The following SNAP29 variants were observed in gnomAD, a reference collection of about 807,000 sequenced individuals.
SNAP29 encodes the protein synaptosome associated protein 29, also known as synaptosomal-associated protein 29.
Under a neutral mutation model 27.9 loss-of-function variants are expected in SNAP29, and 13 were observed. The observed-to-expected ratio is 0.47, with a 90% CI of 0.30 to 0.74. The LOEUF (loss-of-function observed/expected upper bound fraction) is 0.74, where lower values mean the gene tolerates loss of function less well. Ranked by LOEUF, SNAP29 falls within the 30% of genes least tolerant of loss-of-function variation. SNAP29 has a pLI of 0.06. For missense variants in SNAP29, 368 were observed against 336.5 expected, an observed-to-expected ratio of 1.09 and a Z score of -0.73; for synonymous variants, 119 against 127.1, an observed-to-expected ratio of 0.94 and a Z score of 0.43.
intron 2 of SNAP29, among the ~76,000 whole-genome samples, chr22:20,872,536 G>C: frequency 6.6e-6 from 1 of 152,186 alleles, no homozygotes; most frequent in African/African-American, 2.4e-5. Context: ...GAGTAGCTGG[G>C]ACTACAGGCG....
intron 1 of SNAP29, among the ~76,000 whole-genome samples, chr22:20,860,070 G>A (rs1928222567): frequency 3.3e-5 from 5 of 152,094 alleles, no homozygotes; most frequent in Admixed American, 2.0e-4. Context: ...CAATTATTCT[G>A]GCCGAGCGCA....
intron 1 of SNAP29, among the ~76,000 whole-genome samples, chr22:20,867,546 G>C (rs1048724242): frequency 2.6e-5 from 4 of 152,274 alleles, no homozygotes; most frequent in Middle Eastern, 3.4e-3. Context: ...CCTTCTGGGG[G>C]TGGATTTTAG....
Position 20,887,565 on chromosome 22 carries a change from GT to G in SNAP29, c.620-113del, listed in dbSNP as rs762393475. On this transcript the variant is annotated intron_variant, in intron 4 of 4. Coordinates refer to ENST00000215730, the MANE Select transcript of SNAP29 (RefSeq NM_004782.4). ...AAGACTCATCTCTGCAGTGGGTGCA[GT>G]CCCCCCAGGCAACACAGATCCCTGT... 6.2e-3 allele frequency: 6,786 copies of G among 1,097,466 alleles called. 277 individuals are homozygous for G. The African/African-American group carries it at 0.092, about 15-fold the overall frequency. The allele number at this position is 1,097,466 out of a possible 1,614,324, so 68.0% of individuals were successfully genotyped here.
intron 2 of SNAP29, among the ~76,000 whole-genome samples, chr22:20,872,119 A>G (rs962148531): frequency 4.3e-4 from 65 of 152,254 alleles, no homozygotes; most frequent in African/African-American, 1.5e-3. Flanking sequence ...TAACCATAGT[A>G]TTCTTTTGGT....
At chr22:20,881,198 T>C (rs1928883531) in intron 3 of SNAP29, 64 bp downstream of exon 3, 1 of 1,206,710 alleles carries the variant, frequency 8.3e-7, no homozygotes, top group East Asian at 2.4e-5. Flanking sequence ...AGGTTTGGCG[T>C]TGGTCCTTGG....
At chr22:20,883,962 G>A (rs1328381260) in intron 4 of SNAP29, among the ~76,000 whole-genome samples, 1 of 152,166 alleles carries the variant, frequency 6.6e-6, no homozygotes, top group East Asian at 1.9e-4. Flanking sequence ...AAAGTGCCTG[G>A]GATGGTAAGA....
chr22:20,881,745 C>G (rs1348541669), intron 3 of SNAP29, among the ~76,000 whole-genome samples: 1 of 152,170 alleles, frequency 6.6e-6, no homozygotes, highest in Non-Finnish European at 1.5e-5. Context: ...TGGTTCCTGC[C>G]TGTGTCATTC....
intron 1 of SNAP29, among the ~76,000 whole-genome samples, chr22:20,868,004 G>C (rs1380514416): frequency 1.3e-5 from 2 of 152,124 alleles, no homozygotes; most frequent in Non-Finnish European, 2.9e-5. Context: ...TGTCTTTCCA[G>C]CTACTGGAAA....
chr22:20,879,619 G>T (rs1928842234), intron 2 of SNAP29, among the ~76,000 whole-genome samples: 1 of 152,006 alleles, frequency 6.6e-6, no homozygotes, highest in Non-Finnish European at 1.5e-5. Context: ...GCTAAGGCGG[G>T]CGGATCACCT....
Position 20,882,509 on chromosome 22 carries a change from C to A in SNAP29, c.521-962C>A, listed in dbSNP as rs1268885417. On this transcript the variant is annotated intron_variant, in intron 3 of 4. Coordinates refer to ENST00000215730, the MANE Select transcript of SNAP29 (RefSeq NM_004782.4). ...ACGATACACCATGGAAGCTCTGGAACCCACCATGGTTGTGGTTGATGCAGC... is the reference window on the plus strand; with the variant it reads ...ACGATACACCATGGAAGCTCTGGAAACCACCATGGTTGTGGTTGATGCAGC... Among the ~76,000 whole-genome samples the A allele has an allele frequency of 2.0e-5, 3 of 152,098 alleles. No individual in the cohort carries two copies. In the South Asian group the frequency reaches 6.2e-4, roughly 32 times the overall value.
In SNAP29 at chr22:20,859,033, G is replaced by C; in HGVS notation, c.-78G>C. The C allele has an allele frequency of 1.4e-6, 2 of 1,396,724 alleles. No individual in the cohort carries two copies. The highest frequency in any genetic ancestry group is 2.0e-6 in the Non-Finnish European group (2 of 1,020,024). The allele number at this position is 1,396,724 out of a possible 1,614,324, so 86.5% of individuals were successfully genotyped here. On this transcript the variant is annotated 5_prime_UTR_variant, in exon 1 of 5. Transcript: ENST00000215730. ...TTCGCGCGACGACCGCGGGGTCGGC[G>C]GGCGGGGCGAGGCCCTGGACGGCGG...
In SNAP29 at chr22:20,887,992, G is replaced by A. The variant is rs1205444325; in HGVS notation, c.*156G>A. ...CTTAAGACATTTTTGCTGTTATAAG[G>A]AAGTGTTTGTCCCACATTTTCCTAG... On this transcript the variant is annotated 3_prime_UTR_variant, in exon 5 of 5. Transcript: ENST00000215730. 1.3e-6 allele frequency: 1 copy of A among 757,622 alleles called. No individual in the cohort carries two copies. The highest frequency in any genetic ancestry group is 2.7e-5 in the East Asian group (1 of 36,716). 46.9% of individuals were successfully genotyped at this position (757,622 alleles called of 1,614,324 possible). A position where few individuals can be genotyped will look rare whatever the true frequency, so the allele number is the denominator to read the frequency against.
intron 4 of SNAP29, among the ~76,000 whole-genome samples, chr22:20,886,819 G>C (rs1344359560): frequency 6.6e-6 from 1 of 151,244 alleles, no homozygotes; most frequent in Admixed American, 6.6e-5. Context: ...CACCATGTTG[G>C]CCAAGCTGGC....
intron 2 of SNAP29, among the ~76,000 whole-genome samples, chr22:20,873,599 A>G (rs1020119553): frequency 6.6e-6 from 1 of 151,722 alleles, no homozygotes. Flanking sequence ...AATCCCAGCA[A>G]TTTGGGAGAC....
chr22:20,865,306 G>A (rs1008251909), intron 1 of SNAP29, among the ~76,000 whole-genome samples: 10 of 152,096 alleles, frequency 6.6e-5, no homozygotes, highest in African/African-American at 1.7e-4. Context: ...AGTGAGCTGA[G>A]GTCATGCCAC....
intron 2 of SNAP29, among the ~76,000 whole-genome samples, chr22:20,880,412 G>A (rs866689594): frequency 2.6e-5 from 4 of 151,506 alleles, no homozygotes; most frequent in African/African-American, 7.3e-5. Flanking sequence ...AGACTAAGGC[G>A]GGAGAATCAC....
intron 1 of SNAP29, among the ~76,000 whole-genome samples, chr22:20,869,854 T>C (rs571582131): frequency 6.6e-6 from 1 of 151,986 alleles, no homozygotes; most frequent in Non-Finnish European, 1.5e-5. Context: ...CACTGCAACC[T>C]CTGCCTTCAG....
At chr22:20,876,279 A>G (rs1376251236) in intron 2 of SNAP29, among the ~76,000 whole-genome samples, 1 of 141,522 alleles carries the variant, frequency 7.1e-6, no homozygotes, top group South Asian at 2.3e-4. Flanking sequence ...TTTTTTTAAG[A>G]CAATGTCTCG....
chr22:20,867,200 C>G (rs1014906990), intron 1 of SNAP29, among the ~76,000 whole-genome samples: 2 of 152,178 alleles, frequency 1.3e-5, no homozygotes, highest in African/African-American at 4.8e-5. Context: ...ATCACTGAAA[C>G]AAGGAAGCAC....
Sources: gnomAD v4.1 joint callset for allele counts (sites outside exome capture counted in the v4.1 genomes callset) on GRCh38, gnomAD v4.1.1 for gene constraint, MANE v1.5 for transcripts, NCBI Gene and HGNC (gene_info 2026-07-23, HGNC 2026-07-21) for gene names.